Variants in PCSK9 observed in about 807,000 individuals in gnomAD.
The protein encoded by PCSK9 is convertase subtilisin/kexin type 9 preproprotein.
PCSK9 carries 57 observed loss-of-function variants against 62.1 expected under a neutral mutation model. That is an observed-to-expected ratio of 0.92 (90% CI 0.74 to 1.14). The LOEUF is 1.14. PCSK9 is among the 50% of genes most tolerant of loss of function. The pLI is 0.00. For synonymous variants in PCSK9, 387 were observed against 409.4 expected (o/e 0.95, Z 0.66); for missense variants, 870 against 959.8 (o/e 0.91, Z 1.24).
chr1:55,055,009 G>GA (rs11302533), intron 5 of PCSK9, among the ~76,000 whole-genome samples: 100 of 141,466 alleles, frequency 7.1e-4, no homozygotes, highest in African/African-American at 1.7e-3. Context: ...CGTCTGGAAA[G>GA]AAAAAAAAAA....
chr1:55,053,685 T>A (rs896688059), intron 5 of PCSK9, among the ~76,000 whole-genome samples: 1 of 152,242 alleles, frequency 6.6e-6, no homozygotes, highest in Non-Finnish European at 1.5e-5. Flanking sequence ...AGTTCTGCCC[T>A]GAGACTTTCC....
At position 55,046,594 on chromosome 1, in the gene PCSK9, C is replaced by A. The variant is rs143117125; in HGVS notation, c.471C>A (p.Asn157Lys). 127 of 1,614,050 alleles carry A rather than the reference C, an allele frequency of 7.9e-5. No individual in the cohort carries two copies. Among genetic ancestry groups the A allele is most frequent in the Admixed American group, 3.7e-4 (22 of 60,008 alleles). ...TCTTTGCCCAGAGCATCCCGTGGAACCTGGAGCGGATTACCCCTCCACGGT... is the reference window on the plus strand; with the variant it reads ...TCTTTGCCCAGAGCATCCCGTGGAAACTGGAGCGGATTACCCCTCCACGGT... ...SSVFAQSIPW[N>K]LERITPPRYR... Residue 157 changes from asparagine (N) to lysine (K), a missense_variant, in exon 3 of 12, where the codon AAC (asparagine) becomes AAA (lysine). Coordinates refer to ENST00000302118, the MANE Select transcript of PCSK9 (RefSeq NM_174936.4).
intron 3 of PCSK9, among the ~76,000 whole-genome samples, chr1:55,046,929 C>A (rs990522450): frequency 3.3e-5 from 5 of 152,200 alleles, no homozygotes; most frequent in African/African-American, 1.2e-4. Flanking sequence ...GCAGGCTGCA[C>A]TTACCTTGGA....
At position 55,049,840 on chromosome 1, in the gene PCSK9, C is replaced by A. The variant is rs550679929; in HGVS notation, c.524-2438C>A. On this transcript the variant is annotated intron_variant, in intron 3 of 11. Coordinates refer to ENST00000302118, the MANE Select transcript of PCSK9 (RefSeq NM_174936.4). ...CTTCCATCTGCCGCTGGGGCCACAC[C>A]CCAGGCCCAGGGATGGGACCCCACA... Among the ~76,000 whole-genome samples the A allele has an allele frequency of 9.8e-4, 149 of 152,326 alleles. 1 individual carries two copies. The highest frequency in any genetic ancestry group is 3.5e-3 in the African/African-American group (147 of 41,572).
In PCSK9 at chr1:55,058,168, C is replaced by T. The variant is rs1377389702; in HGVS notation, c.1313C>T (p.Pro438Leu). Residue 438 changes from proline (P) to leucine (L), a missense_variant, in exon 8 of 12, where the codon CCC becomes CTC. Transcript: ENST00000302118. ...CCTGAGGACCAGCGGGTACTGACCC[C>T]CAACCTGGTGGCCGCCCTGCCCCCC... ...WFPEDQRVLT[P>L]NLVAALPPST... is the part of the protein sequence containing the mutation. 2 of 1,613,498 alleles carry T rather than the reference C, an allele frequency of 1.2e-6. No individual in the cohort carries two copies. The highest frequency in any genetic ancestry group is 1.7e-4 in the Middle Eastern group (1 of 6,058).
At position 55,060,218 on chromosome 1, in the gene PCSK9, C is replaced by T. The variant is rs192029564; in HGVS notation, c.1681+555C>T. Among the ~76,000 whole-genome samples the T allele has an allele frequency of 1.3e-3, 193 of 152,348 alleles. 2 individuals carry two copies. Among genetic ancestry groups the T allele is most frequent in the African/African-American group, 4.3e-3 (180 of 41,584 alleles). On this transcript the variant is annotated intron_variant, in intron 10 of 11. Coordinates refer to ENST00000302118, the MANE Select transcript of PCSK9 (RefSeq NM_174936.4). ...AGCCTCTGGTATAGGCAACTATTGA[C>T]GGGCTACCCTGTGTCGAAAACATGC... is the stretch of plus-strand genomic sequence containing the variant.
intron 7 of PCSK9, 51 bp from the exon 8 acceptor site, chr1:55,057,966 TGGCAGGAGTCCCCTGCTGG>T: frequency 6.3e-7 from 1 of 1,585,864 alleles, no homozygotes; most frequent in Non-Finnish European, 8.7e-7. Context: ...GTGTGTGCAC[TGGCAGGAGTCCCCTGCTGG>T]GGCAGGAGGG....
chr1:55,055,487 G>A (rs7521905), intron 5 of PCSK9, among the ~76,000 whole-genome samples: 1,885 of 152,296 alleles, frequency 0.012, 34 homozygotes, highest in African/African-American at 0.042. Context: ...CCCGGGGTTG[G>A]CTAGTTTGAT....
chr1:55,043,981 C>T lies in PCSK9; in HGVS notation c.346C>T (p.His116Tyr). ...GYLTKILHVF[H>Y]GLLPGFLVKM... ...CCTCACCAAGATCCTGCATGTCTTCCATGGCCTTCTTCCTGGCTTCCTGGT... is the reference window on the plus strand; with the variant it reads ...CCTCACCAAGATCCTGCATGTCTTCTATGGCCTTCTTCCTGGCTTCCTGGT... Residue 116 changes from histidine to tyrosine, a missense_variant, in exon 2 of 12, where the codon CAT (histidine) becomes TAT (tyrosine). By Grantham distance (83) the His-to-Tyr change is moderately conservative. Coordinates refer to ENST00000302118, the MANE Select transcript of PCSK9 (RefSeq NM_174936.4). 6.2e-7 allele frequency: 1 copy of T among 1,614,242 alleles called. No homozygotes were observed. Among genetic ancestry groups the T allele is most frequent in the Admixed American group, 1.7e-5 (1 of 60,032 alleles).
intron 11 of PCSK9, 55 bp from the exon 12 acceptor site, chr1:55,063,314 G>A: frequency 6.4e-7 from 1 of 1,559,140 alleles, no homozygotes; most frequent in Non-Finnish European, 8.7e-7. Flanking sequence ...TGAAGTGTGG[G>A]TGGGGGTCCC....
chr1:55,063,503 C>T lies in PCSK9; in HGVS notation c.1998C>T (p.Ser666=). 1 of 1,613,976 alleles carries T rather than the reference C, an allele frequency of 6.2e-7. No individual in the cohort carries two copies. The highest frequency in any genetic ancestry group is 8.5e-7 in the Non-Finnish European group (1 of 1,179,884). ...VRSRDVSTTG[S]TSEGAVTAVA... ...GCCGGGACGTCAGCACTACAGGCAGCACCAGCGAAGGGGCCGTGACAGCCG... is the reference window on the plus strand; with the variant it reads ...GCCGGGACGTCAGCACTACAGGCAGTACCAGCGAAGGGGCCGTGACAGCCG... Residue 666 remains serine, a synonymous_variant, in exon 12 of 12, where the codon AGC becomes AGT. Transcript: ENST00000302118.
At chr1:55,057,713 A>T (rs927771143) in intron 7 of PCSK9, among the ~76,000 whole-genome samples, 199 bp downstream of exon 7, 2 of 152,168 alleles carry the variant, frequency 1.3e-5, no homozygotes, top group Non-Finnish European at 2.9e-5. Context: ...GCTGTATTAG[A>T]GGGAGCCCAG....
chr1:55,059,353 C>A, intron 9 of PCSK9, 133 bp from the exon 10 acceptor site: 1 of 1,153,740 alleles, frequency 8.7e-7, no homozygotes, highest in Non-Finnish European at 1.3e-6. Flanking sequence ...GCTCCTTGTC[C>A]CCAGAAGGCT....
At chr1:55,041,172 T>C (rs1364621473) in intron 1 of PCSK9, among the ~76,000 whole-genome samples, 1 of 152,218 alleles carries the variant, frequency 6.6e-6, no homozygotes, top group South Asian at 2.1e-4. Flanking sequence ...GGGGGATCAC[T>C]TGCAGTTTTG....
intron 5 of PCSK9, 62 bp from the exon 6 acceptor site, chr1:55,055,931 G>T: frequency 6.8e-7 from 1 of 1,477,410 alleles, no homozygotes. Context: ...TGCCTGTAAG[G>T]GAGGGGCTGG....
chr1:55,052,343 G>A lies in PCSK9; in HGVS notation c.589G>A (p.Glu197Lys), dbSNP rs772114791. The A allele has an allele frequency of 1.1e-5, 17 of 1,613,876 alleles. No homozygotes were observed. Among genetic ancestry groups the A allele is most frequent in the East Asian group, 2.2e-5 (1 of 44,884 alleles). ...TSIQSDHREIEGRVMVTDFEN... is the reference protein window; with the variant it reads ...TSIQSDHREIKGRVMVTDFEN... ...CATACAGAGTGACCACCGGGAAATC[G>A]AGGGCAGGGTCATGGTCACCGACTT... The change falls in exon 4 of 12, where the codon GAG becomes AAG. Residue 197 changes from glutamate (E) to lysine (K), a missense_variant. Transcript: ENST00000302118.
Position 55,039,555 on chromosome 1 carries a change from T to G in PCSK9, c.-283T>G. 1 of 551,638 alleles carries G rather than the reference T, an allele frequency of 1.8e-6. No homozygotes were observed. Among genetic ancestry groups the G allele is most frequent in the Non-Finnish European group, 3.2e-6 (1 of 308,154 alleles). 34.2% of individuals were successfully genotyped at this position (551,638 alleles called of 1,614,324 possible). A position where few individuals can be genotyped will look rare whatever the true frequency, so the allele number is the denominator to read the frequency against. ...ACCCTAGAAGGTTTCCGCAGCGACG[T>G]CGAGGCGCTCATGGTTGCAGGCGGG... On this transcript the variant is annotated 5_prime_UTR_variant, in exon 1 of 12. Transcript: ENST00000302118.
At position 55,039,816 on chromosome 1, in the gene PCSK9, A is replaced by C. The variant is rs1387827816; in HGVS notation, c.-22A>C. The C allele has an allele frequency of 4.5e-6, 7 of 1,569,132 alleles. No homozygotes were observed. The African/African-American group carries it at 9.4e-5, about 21-fold the overall frequency. On this transcript the variant is annotated 5_prime_UTR_variant, in exon 1 of 12. Transcript: ENST00000302118. ...GGCCTCTAGGTCTCCTCGCCAGGAC[A>C]GCAACCTCTCCCCTGGCCCTCATGG...
At chr1:55,059,803 T>A (rs1644746004) in intron 10 of PCSK9, 140 bp downstream of exon 10, 1 of 1,128,888 alleles carries the variant, frequency 8.9e-7, no homozygotes, top group Admixed American at 2.4e-5. Flanking sequence ...TTCTGCCACT[T>A]CCATGCCCTT....
Sources: gnomAD v4.1 joint callset for allele counts (sites outside exome capture counted in the v4.1 genomes callset) on GRCh38, gnomAD v4.1.1 for gene constraint, MANE v1.5 for transcripts, NCBI Gene and HGNC (gene_info 2026-07-23, HGNC 2026-07-21) for gene names.